ERICH5: variants seen among roughly 807,000 people sequenced by gnomAD.
ERICH5 encodes glutamate-rich protein 5.
A neutral mutation model predicts 28.0 loss-of-function variants in ERICH5; 24 were observed. The ratio of observed to expected loss-of-function variants is 0.86; its 90% CI spans 0.62 to 1.21. The LOEUF is 1.21. ERICH5 is among the 50% of genes most tolerant of loss of function. ERICH5 has a pLI of 0.00. For missense variants in ERICH5, 421 were observed against 441.2 expected, an observed-to-expected ratio of 0.95 and a Z score of 0.41; for synonymous variants, 163 against 157.6, an observed-to-expected ratio of 1.03 and a Z score of -0.25.
rs1296879281 is a variant in ERICH5 at position 98,083,769 on chromosome 8, C to T, written c.59-5307C>T. Among the ~76,000 whole-genome samples the T allele has an allele frequency of 4.6e-5, 7 of 152,322 alleles. 1 individual carries two copies. Among genetic ancestry groups the T allele is most frequent in the Middle Eastern group, 3.4e-3 (1 of 294 alleles). On this transcript the variant is annotated intron_variant, in intron 1 of 2. Transcript: ENST00000318528. ...GAGATTTATACGTCCAACAGCCTCC[C>T]GGATTTGCCACCAGGATGTAAAATC...
intron 1 of ERICH5, among the ~76,000 whole-genome samples, chr8:98,073,219 G>T (rs551461663): frequency 6.6e-6 from 1 of 151,314 alleles, no homozygotes; most frequent in Non-Finnish European, 1.5e-5. Context: ...CTACAAAATA[G>T]GATCAACAAT....
chr8:98,075,058 A>G (rs950901173), intron 1 of ERICH5, among the ~76,000 whole-genome samples: 9 of 151,934 alleles, frequency 5.9e-5, no homozygotes, highest in Non-Finnish European at 7.4e-5. Context: ...TTTGTCTGGT[A>G]TTTTTCTCAT....
Position 98,093,397 on chromosome 8 carries a change from G to A in ERICH5, c.*64G>A. The A allele has an allele frequency of 9.2e-7, 1 of 1,087,728 alleles. No individual in the cohort carries two copies. 67.4% of individuals were successfully genotyped at this position (1,087,728 alleles called of 1,614,324 possible). ...AGACAAAAATGGTAGTGAAGCTTGT[G>A]GTTATGTATCTTATCTTTCTACATT... On this transcript the variant is annotated 3_prime_UTR_variant, in exon 3 of 3. Coordinates refer to ENST00000318528, the MANE Select transcript of ERICH5 (RefSeq NM_173549.3).
At position 98,090,015 on chromosome 8, in the gene ERICH5, A is replaced by G. The variant is rs759012393; in HGVS notation, c.998A>G (p.Asp333Gly). 1.2e-6 allele frequency: 2 copies of G among 1,609,762 alleles called. No individual in the cohort carries two copies. The highest frequency in any genetic ancestry group is 1.3e-5 in the African/African-American group (1 of 74,932). The change falls in exon 2 of 3, where the codon GAC (aspartate) becomes GGC (glycine). Residue 333 changes from aspartate to glycine, a missense_variant. Physicochemically the swap from Asp to Gly is moderately conservative, Grantham distance 94. Coordinates refer to ENST00000318528, the MANE Select transcript of ERICH5 (RefSeq NM_173549.3). ...AGGAACATCCATACTAATGAAGAGG[A>G]CCAACGCATTGAAGGTAAAAGTTAT... is the stretch of plus-strand genomic sequence containing the variant. ...MIRNIHTNEE[D>G]QRIEGETGEK...
At position 98,074,061 on chromosome 8, in the gene ERICH5, A is replaced by AT. The variant is rs1369992118; in HGVS notation, c.58+9343dup. ...AGGCATGCACCACCACACCTGGCTA[A>AT]TTTTTTTTTGTTTTTTGGAGAGTTG... On this transcript the variant is annotated intron_variant, in intron 1 of 2. Coordinates refer to ENST00000318528, the MANE Select transcript of ERICH5 (RefSeq NM_173549.3). 5.3e-5 allele frequency among the ~76,000 whole-genome samples: 8 copies of AT among 149,724 alleles called. No homozygotes were observed. The South Asian group carries it at 6.4e-4, about 12-fold the overall frequency.
At position 98,073,462 on chromosome 8, in the gene ERICH5, A is replaced by G. The variant is rs868241541; in HGVS notation, c.58+8735A>G. 3.5e-3 allele frequency among the ~76,000 whole-genome samples: 7 copies of G among 2,026 alleles called. 1 individual carries two copies. Among genetic ancestry groups the G allele is most frequent in the South Asian group, 0.036 (1 of 28 alleles). The allele number at this position is 2,026 out of a possible 152,430, so 1.3% of individuals were successfully genotyped here. A position where few individuals can be genotyped will look rare whatever the true frequency, so the allele number is the denominator to read the frequency against. On this transcript the variant is annotated intron_variant, in intron 1 of 2. Transcript: ENST00000318528. ...TATATATATATATATATATATATGTATATATATATATATATATATATATGT... is the reference window on the plus strand; with the variant it reads ...TATATATATATATATATATATATGTGTATATATATATATATATATATATGT...
In ERICH5 at chr8:98,089,180, C is replaced by G. The variant is rs1815335439; in HGVS notation, c.163C>G (p.Gln55Glu). The G allele has an allele frequency of 6.2e-7, 1 of 1,614,140 alleles. No homozygotes were observed. Among genetic ancestry groups the G allele is most frequent in the Non-Finnish European group, 8.5e-7 (1 of 1,180,014 alleles). ...AGAATCTACTGTTGATGGCAATGTA[C>G]AAAGGGAAAGCCGTCCTCCCTTACA... ...GRESTVDGNV[Q>E]RESRPPLQKL... The change falls in exon 2 of 3, where the codon CAA (glutamine) becomes GAA (glutamate). Residue 55 changes from glutamine (Q) to glutamate (E), a missense_variant. By Grantham distance (29) the Gln-to-Glu change is conservative. Coordinates refer to ENST00000318528, the MANE Select transcript of ERICH5 (RefSeq NM_173549.3).
chr8:98,080,827 C>A (rs189884257), intron 1 of ERICH5, among the ~76,000 whole-genome samples: 1 of 151,664 alleles, frequency 6.6e-6, no homozygotes, highest in Non-Finnish European at 1.5e-5. Flanking sequence ...CTCAGTCTTC[C>A]GAGTAGCTGA....
At chr8:98,065,875 G>A (rs955643899) in intron 1 of ERICH5, among the ~76,000 whole-genome samples, 2 of 152,146 alleles carry the variant, frequency 1.3e-5, no homozygotes, top group Non-Finnish European at 2.9e-5. Context: ...TTGGTAGAGC[G>A]CACCAGACGG....
chr8:98,089,735 G>A lies in ERICH5; in HGVS notation c.718G>A (p.Ala240Thr), dbSNP rs1815347521. Residue 240 changes from alanine (A) to threonine (T), a missense_variant, in exon 2 of 3, where the codon GCT becomes ACT. Transcript: ENST00000318528. ...GGAAGGAAGTCAGTTTGTGGAAACA[G>A]CTGAAGAGCAGCAACTTCAGGCAAC... ...ILEGSQFVETAEEQQLQATLG... is the reference protein window; with the variant it reads ...ILEGSQFVETTEEQQLQATLG... 1 of 1,614,162 alleles carries A rather than the reference G, an allele frequency of 6.2e-7. No homozygotes were observed. Among genetic ancestry groups the A allele is most frequent in the East Asian group, 2.2e-5 (1 of 44,884 alleles).
chr8:98,088,410 A>G (rs145614855), intron 1 of ERICH5, among the ~76,000 whole-genome samples: 2 of 152,316 alleles, frequency 1.3e-5, no homozygotes, highest in Non-Finnish European at 2.9e-5. Flanking sequence ...AGTTGGAACA[A>G]TGGCCAGAAG....
At chr8:98,092,529 T>A (rs1434042874) in intron 2 of ERICH5, among the ~76,000 whole-genome samples, 4 of 152,190 alleles carry the variant, frequency 2.6e-5, no homozygotes, top group African/African-American at 9.6e-5. Context: ...GGTCTTGAAC[T>A]CCTGGCCTCA....
Position 98,089,439 on chromosome 8 carries a change from A to C in ERICH5, c.422A>C (p.Glu141Ala). The C allele has an allele frequency of 6.2e-7, 1 of 1,614,268 alleles. No homozygotes were observed. The highest frequency in any genetic ancestry group is 8.5e-7 in the Non-Finnish European group (1 of 1,180,050). ...GATGCAGGAGCAGGGACAGAGGCCG[A>C]GTCTCTAAAAGGAAATGCTGAAGCT... The part of the protein sequence containing the change: ...KKDAGAGTEA[E>A]SLKGNAEAQP... Residue 141 changes from glutamate (E) to alanine (A), a missense_variant, in exon 2 of 3, where the codon GAG becomes GCG. Glu to Ala is a moderately radical substitution (Grantham distance 107, BLOSUM62 -1). Transcript: ENST00000318528.
Position 98,064,623 on chromosome 8 carries a change from G to A in ERICH5, c.-47G>A, listed in dbSNP as rs748712192. The A allele has an allele frequency of 4.3e-5, 63 of 1,458,090 alleles. No individual in the cohort carries two copies. The highest frequency in any genetic ancestry group is 5.6e-5 in the Non-Finnish European group (61 of 1,093,188). 90.3% of individuals were successfully genotyped at this position (1,458,090 alleles called of 1,614,324 possible). The stretch of plus-strand genomic sequence containing the variant: ...GCAGTTGCCTTCGGTTCCCGGTTCC[G>A]GGCCGACACCCGCGCAGGGCTGAGA... On this transcript the variant is annotated 5_prime_UTR_variant, in exon 1 of 3. Coordinates refer to ENST00000318528, the MANE Select transcript of ERICH5 (RefSeq NM_173549.3).
At chr8:98,077,174 G>T (rs1200058507) in intron 1 of ERICH5, among the ~76,000 whole-genome samples, 2 of 152,132 alleles carry the variant, frequency 1.3e-5, no homozygotes, top group Non-Finnish European at 2.9e-5. Flanking sequence ...TGGAGTTGTT[G>T]GAAAGATTGA....
At chr8:98,091,888 CTTT>C (rs1363503332) in intron 2 of ERICH5, among the ~76,000 whole-genome samples, 2,866 of 77,444 alleles carry the variant, frequency 0.037, 38 homozygotes, top group Middle Eastern at 0.051. Flanking sequence ...TTCTTTCTTT[CTTT>C]CTTTCTTTCC....
intron 1 of ERICH5, among the ~76,000 whole-genome samples, chr8:98,079,538 T>A (rs761021534): frequency 1.3e-5 from 2 of 152,008 alleles, no homozygotes; most frequent in Non-Finnish European, 2.9e-5. Flanking sequence ...GTACTTTTAT[T>A]TATGTATTTA....
In ERICH5 at chr8:98,088,936, G is replaced by T. The variant is rs1322181540; in HGVS notation, c.59-140G>T. On this transcript the variant is annotated intron_variant, in intron 1 of 2. Transcript: ENST00000318528. ...GGGAGAGTGTTAGGGTCATGGTATG[G>T]CCTTTCTGTACTCAGATATATTTGG... 4.7e-6 allele frequency: 3 copies of T among 637,968 alleles called. No individual in the cohort carries two copies. In the African/African-American group the frequency reaches 5.5e-5, roughly 12 times the overall value. The allele number at this position is 637,968 out of a possible 1,614,324, so 39.5% of individuals were successfully genotyped here.
intron 2 of ERICH5, 124 bp from the exon 3 acceptor site, chr8:98,093,097 C>A: frequency 1.6e-6 from 1 of 610,386 alleles, no homozygotes; most frequent in Non-Finnish European, 2.9e-6. Flanking sequence ...TCTTGATACC[C>A]CCAGAGAAAC....
Sources: gnomAD v4.1 joint callset for allele counts (sites outside exome capture counted in the v4.1 genomes callset) on GRCh38, gnomAD v4.1.1 for gene constraint, MANE v1.5 for transcripts, NCBI Gene and HGNC (gene_info 2026-07-23, HGNC 2026-07-21) for gene names.